The following PKD2L1 variants were observed in gnomAD, a reference collection of about 807,000 sequenced individuals.
PKD2L1 encodes polycystin-2-like protein 1.
PKD2L1 carries 77 observed loss-of-function variants against 93.0 expected under a neutral mutation model. The ratio of observed to expected loss-of-function variants is 0.83; its 90% confidence interval spans 0.69 to 1.00. The LOEUF (loss-of-function observed/expected upper bound fraction) is 1.00. PKD2L1 is among the 50% of genes least tolerant of loss of function. The probability of loss-of-function intolerance (pLI) is 0.00; values close to 1 mark genes in which losing one functional copy is unlikely to be tolerated. For synonymous variants in PKD2L1, 390 were observed against 388.0 expected, an observed-to-expected ratio of 1.01 and a Z score of -0.06; for missense variants, 977 against 990.9, an observed-to-expected ratio of 0.99 and a Z score of 0.19.
intron 2 of PKD2L1, among the ~76,000 whole-genome samples, chr10:100,323,561 G>A (rs114644228): frequency 0.01 from 1,553 of 152,164 alleles, 17 homozygotes; most frequent in Middle Eastern, 0.044. Context: ...GAGCCACGGC[G>A]CCCGGCTCAC....
At chr10:100,315,531 G>C (rs992275573) in intron 2 of PKD2L1, among the ~76,000 whole-genome samples, 1 of 152,076 alleles carries the variant, frequency 6.6e-6, no homozygotes. Context: ...GCGATGTTTG[G>C]TTTTCTGTTC....
At chr10:100,290,265 T>C in intron 13 of PKD2L1, 127 bp from the exon 14 acceptor site, 1 of 1,357,646 alleles carries the variant, frequency 7.4e-7, no homozygotes. Context: ...CCCAGCCTTG[T>C]AGGCAGAATT....
At chr10:100,300,732 T>C (rs1338489716) in intron 2 of PKD2L1, among the ~76,000 whole-genome samples, 1 of 152,264 alleles carries the variant, frequency 6.6e-6, no homozygotes, top group Admixed American at 6.5e-5. Flanking sequence ...AGGTGGTGTC[T>C]GCCAGTTTCT....
In PKD2L1 at chr10:100,299,653, G is replaced by A. The variant is rs201678401; in HGVS notation, c.415C>T (p.His139Tyr). Residue 139 changes from histidine (H) to tyrosine (Y), a missense_variant, in exon 3 of 16, where the codon CAT (histidine) becomes TAT (tyrosine). Transcript: ENST00000318222. ...YTKVMSELFLHTPSDTGVSFQ... is the reference protein window; with the variant it reads ...YTKVMSELFLYTPSDTGVSFQ... ...GAGACTCCAGTGTCTGATGGAGTAT[G>A]TAAGAAGAGCTCAGACATCACTTTG... 3.2e-5 allele frequency: 51 copies of A among 1,611,688 alleles called. No individual in the cohort carries two copies. In the African/African-American group the frequency reaches 5.1e-4, roughly 16 times the overall value.
chr10:100,315,553 T>C (rs1849083572), intron 2 of PKD2L1, among the ~76,000 whole-genome samples: 1 of 152,210 alleles, frequency 6.6e-6, no homozygotes, highest in African/African-American at 2.4e-5. Flanking sequence ...TGTGTTAGTT[T>C]GCTGAGAATG....
At chr10:100,308,436 G>A (rs1024191678) in intron 2 of PKD2L1, among the ~76,000 whole-genome samples, 3 of 151,736 alleles carry the variant, frequency 2.0e-5, no homozygotes, top group African/African-American at 7.3e-5. Context: ...CTAGGTTCAA[G>A]CAATTCTCCT....
chr10:100,314,987 GAA>G lies in PKD2L1; in HGVS notation c.349+14222_349+14223del, dbSNP rs1564891171. ...AGAAGGAAGGAAGGAAGGAAGGAAG[GAA>G]GGAAGGAAGGAAGGAAGGAAGGAAG... On this transcript the variant is annotated intron_variant, in intron 2 of 15. Transcript: ENST00000318222. Among the ~76,000 whole-genome samples, 18 of 34,080 alleles carry G rather than the reference GAA, an allele frequency of 5.3e-4. 5 individuals carry two copies. The highest frequency in any genetic ancestry group is 1.8e-3 in the East Asian group (2 of 1,082). The allele number at this position is 34,080 out of a possible 152,430, so 22.4% of individuals were successfully genotyped here.
chr10:100,321,691 GAAA>G (rs1849236508), intron 2 of PKD2L1, among the ~76,000 whole-genome samples: 1 of 1,782 alleles, frequency 5.6e-4, no homozygotes, highest in Non-Finnish European at 1.4e-3. Flanking sequence ...AAGAAAGAAA[GAAA>G]GAAAGAAAGA....
chr10:100,312,262 G>A (rs1393905450), intron 2 of PKD2L1, among the ~76,000 whole-genome samples: 2 of 152,194 alleles, frequency 1.3e-5, no homozygotes, highest in Non-Finnish European at 2.9e-5. Flanking sequence ...CTTCAGTAAC[G>A]AAGTCTATGA....
Position 100,328,034 on chromosome 10 carries a change from C to T in PKD2L1, c.349+1177G>A, listed in dbSNP as rs115887276. Among the ~76,000 whole-genome samples, 718 of 152,270 alleles carry T rather than the reference C, an allele frequency of 4.7e-3. 4 individuals carry two copies. The highest frequency in any genetic ancestry group is 0.017 in the African/African-American group (689 of 41,544). ...GCACCCTGACAAGAACAGAGTATTG[C>T]GGAGCCTAGAACACCTACTAATGAG... On this transcript the variant is annotated intron_variant, in intron 2 of 15. Coordinates refer to ENST00000318222, the MANE Select transcript of PKD2L1 (RefSeq NM_016112.3).
chr10:100,305,205 G>A lies in PKD2L1; in HGVS notation c.350-5487C>T, dbSNP rs1457329364. 4.0e-5 allele frequency among the ~76,000 whole-genome samples: 6 copies of A among 150,976 alleles called. No individual in the cohort carries two copies. In the South Asian group the frequency reaches 1.0e-3, roughly 26 times the overall value. ...CAGCTCACTGCAACCTCTGCCTCCC[G>A]GGTTCAAGCTATTCTCCTGCCTCAG... On this transcript the variant is annotated intron_variant, in intron 2 of 15. Transcript: ENST00000318222.
At chr10:100,311,370 A>T (rs1848929166) in intron 2 of PKD2L1, among the ~76,000 whole-genome samples, 1 of 152,184 alleles carries the variant, frequency 6.6e-6, no homozygotes, top group Non-Finnish European at 1.5e-5. Context: ...GCACTTTTTA[A>T]CATGAGCTCT....
At chr10:100,296,330 A>G in intron 6 of PKD2L1, 38 bp from the exon 7 acceptor site, 2 of 1,523,244 alleles carry the variant, frequency 1.3e-6, no homozygotes, top group Non-Finnish European at 1.8e-6. Flanking sequence ...AGAGAAGGCA[A>G]GGGGATCTCA....
chr10:100,329,448 T>C (rs2133578465), intron 1 of PKD2L1, 124 bp from the exon 2 acceptor site: 1 of 1,346,514 alleles, frequency 7.4e-7, no homozygotes. Context: ...ATCACCTTCA[T>C]CCTTGGCTGA....
intron 2 of PKD2L1, among the ~76,000 whole-genome samples, chr10:100,313,723 T>C (rs1344548922): frequency 6.6e-6 from 1 of 152,212 alleles, no homozygotes; most frequent in Non-Finnish European, 1.5e-5. Flanking sequence ...CTACCCTCAA[T>C]AGACCCTTTA....
rs1849244237 is a variant in PKD2L1, at chr10:100,321,738, AGAAAGAAAGAAAGAAAGAAGGGAG to A, written c.349+7449_349+7472del. On this transcript the variant is annotated intron_variant, in intron 2 of 15. Coordinates refer to ENST00000318222, the MANE Select transcript of PKD2L1 (RefSeq NM_016112.3). ...AAGAAAGAAAGAAAGAAAGAAAGAA[AGAAAGAAAGAAAGAAAGAAGGGAG>A]GGAGGGAGGGAGGGAGGGAGGGAGG... Among the ~76,000 whole-genome samples, 16 of 8,584 alleles carry A rather than the reference AGAAAGAAAGAAAGAAAGAAGGGAG, an allele frequency of 1.9e-3. 1 individual carries two copies. The highest frequency in any genetic ancestry group is 4.2e-3 in the Admixed American group (4 of 956). 5.6% of individuals were successfully genotyped at this position (8,584 alleles called of 152,430 possible).
chr10:100,289,549 T>A (rs1385023233), intron 14 of PKD2L1, among the ~76,000 whole-genome samples: 9 of 151,556 alleles, frequency 5.9e-5, no homozygotes. Context: ...CAAATAATAA[T>A]AATAATAAAT....
intron 1 of PKD2L1, 33 bp from the exon 2 acceptor site, chr10:100,329,357 C>A: frequency 6.2e-7 from 1 of 1,613,898 alleles, no homozygotes; most frequent in South Asian, 1.1e-5. Context: ...CTGGGATGCT[C>A]AGTGGCAGTG....
intron 5 of PKD2L1, 81 bp from the exon 6 acceptor site, chr10:100,297,289 C>T (rs1848565648): frequency 4.5e-6 from 7 of 1,540,724 alleles, no homozygotes; most frequent in African/African-American, 2.7e-5. Flanking sequence ...TCCACCCCCA[C>T]CACAGGGTAG....
Sources: allele counts gnomAD v4.1 joint callset (sites outside exome capture counted in the v4.1 genomes callset), GRCh38; gene constraint gnomAD v4.1.1; transcripts MANE v1.5; gene names NCBI Gene and HGNC (gene_info 2026-07-23, HGNC 2026-07-21).